Variants in INA observed in about 807,000 individuals in gnomAD.
INA encodes internexin neuronal intermediate filament protein alpha, also known as alpha-internexin.
INA carries 35 observed loss-of-function variants against 40.1 expected under a neutral mutation model. The ratio of observed to expected loss-of-function variants is 0.87; its 90% CI spans 0.67 to 1.16. INA has a LOEUF of 1.16. Among genes scored for constraint, INA ranks in the 50% most tolerant of loss-of-function variants. INA has a pLI of 0.00. For missense variants in INA, 594 were observed against 686.7 expected (o/e 0.87, Z 1.51); for synonymous variants, 290 against 316.9 (o/e 0.92, Z 0.90).
At chr10:103,287,753 G>T (rs978827760) in intron 2 of INA, among the ~76,000 whole-genome samples, 9 of 147,638 alleles carry the variant, frequency 6.1e-5, no homozygotes, top group Non-Finnish European at 9.0e-5. Flanking sequence ...AAAAAAAAAA[G>T]GATAATTAAA....
In INA at chr10:103,278,352, G is replaced by A. The variant is rs1222266423; in HGVS notation, c.1065+76G>A. 1 of 1,255,444 alleles carries A rather than the reference G, an allele frequency of 8.0e-7. No homozygotes were observed. The highest frequency in any genetic ancestry group is 1.5e-5 in the African/African-American group (1 of 66,114). The allele number at this position is 1,255,444 out of a possible 1,614,324, so 77.8% of individuals were successfully genotyped here. ...GTACCCTCTTCCTCTGGTAAAACTG[G>A]GCCCCAGGACTTAAGGGGAGGGCAA... On this transcript the variant is annotated intron_variant, in intron 1 of 2. Transcript: ENST00000369849. The surrounding 1 kb of genome is among the most constrained non-coding windows in gnomAD (Gnocchi z 4.9).
chr10:103,282,247 T>C (rs972796988), intron 1 of INA, among the ~76,000 whole-genome samples: 2 of 152,152 alleles, frequency 1.3e-5, no homozygotes, highest in African/African-American at 4.8e-5. Context: ...CCCAACCACC[T>C]CTTATTCAGA....
chr10:103,280,429 AG>A, intron 1 of INA: 1 of 985,380 alleles, frequency 1.0e-6, no homozygotes, highest in Non-Finnish European at 1.2e-6. Context: ...CAAGGTGAAA[AG>A]CCTCCCTTTC....
At chr10:103,280,704 A>T (rs535143220) in intron 1 of INA, 9 of 985,448 alleles carry the variant, frequency 9.1e-6, no homozygotes, top group Admixed American at 1.2e-4. Context: ...GTGACACAGT[A>T]AGTACACAAT....
chr10:103,278,542 C>T lies in INA; in HGVS notation c.1065+266C>T, dbSNP rs2093066141. On this transcript the variant is annotated intron_variant, in intron 1 of 2. Coordinates refer to ENST00000369849, the MANE Select transcript of INA (RefSeq NM_032727.4). This position sits in a 1 kb window ranked among gnomAD's most constrained non-coding sequence, Gnocchi z 4.9. ...GGTTCGAAAACCCAACTCTGCCTGT[C>T]TGTCAGCAAGCGGGCCTACACACAC... is the stretch of plus-strand genomic sequence containing the variant. 6.6e-6 allele frequency among the ~76,000 whole-genome samples: 1 copy of T among 152,242 alleles called. No individual in the cohort carries two copies. Among genetic ancestry groups the T allele is most frequent in the African/African-American group, 2.4e-5 (1 of 41,466 alleles).
Position 103,288,581 on chromosome 10 carries a change from A to T in INA, c.1412A>T (p.Glu471Val). The T allele has an allele frequency of 6.2e-7, 1 of 1,613,526 alleles. No individual in the cohort carries two copies. Among genetic ancestry groups the T allele is most frequent in the South Asian group, 1.1e-5 (1 of 91,054 alleles). Reference protein sequence around the residue: ...KKTSQIGESFEEILEETVIST... With the variant: ...KKTSQIGESFVEILEETVIST... ...ACCTCCCAGATAGGGGAAAGTTTTG[A>T]AGAAATATTAGAGGAGACAGTAATA... is the stretch of plus-strand genomic sequence containing the variant. The change falls in exon 3 of 3, where the codon GAA (glutamate) becomes GTA (valine). Residue 471 changes from glutamate (E) to valine (V), a missense_variant. Around this residue, in one of 2 missense-constraint regions of INA, gnomAD observed 379 missense variants for 496.1 expected, o/e 0.76. Transcript: ENST00000369849.
At chr10:103,284,990 T>C (rs2093082075) in intron 1 of INA, among the ~76,000 whole-genome samples, 2 of 151,994 alleles carry the variant, frequency 1.3e-5, no homozygotes. Flanking sequence ...TTTTATTTTA[T>C]TTTATTTTTT....
At chr10:103,284,254 C>T (rs1303867003) in intron 1 of INA, among the ~76,000 whole-genome samples, 1 of 152,140 alleles carries the variant, frequency 6.6e-6, no homozygotes, top group Non-Finnish European at 1.5e-5. Flanking sequence ...GCCTCAGCTA[C>T]CCAAAGTGCT....
intron 2 of INA, 105 bp from the exon 3 acceptor site, chr10:103,288,255 C>A: frequency 9.3e-7 from 1 of 1,077,158 alleles, no homozygotes; most frequent in Non-Finnish European, 1.3e-6. Flanking sequence ...GAAGAAACTC[C>A]AAAGTCCTTT....
intron 1 of INA, 27 bp from the exon 2 acceptor site, chr10:103,287,008 A>C (rs772661495): frequency 6.2e-7 from 1 of 1,609,714 alleles, no homozygotes; most frequent in Non-Finnish European, 8.5e-7. Context: ...GGTTTGGCCT[A>C]ACTATTTTGG....
rs2093065349 is a variant in INA, at chr10:103,278,348, A to G, written c.1065+72A>G. On this transcript the variant is annotated intron_variant, in intron 1 of 2. Coordinates refer to ENST00000369849, the MANE Select transcript of INA (RefSeq NM_032727.4). The surrounding 1 kb of genome is among the most constrained non-coding windows in gnomAD (Gnocchi z 4.9). ...GCGCGTACCCTCTTCCTCTGGTAAA[A>G]CTGGGCCCCAGGACTTAAGGGGAGG... The G allele has an allele frequency of 7.9e-7, 1 of 1,273,064 alleles. No individual in the cohort carries two copies. The highest frequency in any genetic ancestry group is 2.5e-5 in the East Asian group (1 of 39,220). 78.9% of individuals were successfully genotyped at this position (1,273,064 alleles called of 1,614,324 possible).
chr10:103,285,168 G>A (rs2093082662), intron 1 of INA, among the ~76,000 whole-genome samples: 1 of 152,054 alleles, frequency 6.6e-6, no homozygotes, highest in African/African-American at 2.4e-5. Context: ...ATTTTTAGTA[G>A]AGACAGAGTT....
In INA at chr10:103,278,398, C is replaced by T; in HGVS notation, c.1065+122C>T. The stretch of plus-strand genomic sequence containing the variant: ...GGCAAAAGAGAGGAGAGAAGAGCCG[C>T]GGCTGGAGGCGCTGGTTAACAAAAA... On this transcript the variant is annotated intron_variant, in intron 1 of 2. Coordinates refer to ENST00000369849, the MANE Select transcript of INA (RefSeq NM_032727.4). This position sits in a 1 kb window ranked among gnomAD's most constrained non-coding sequence, Gnocchi z 4.9. 2.6e-6 allele frequency: 2 copies of T among 771,678 alleles called. No individual in the cohort carries two copies. Among genetic ancestry groups the T allele is most frequent in the Middle Eastern group, 3.9e-4 (1 of 2,582 alleles). The allele number at this position is 771,678 out of a possible 1,614,324, so 47.8% of individuals were successfully genotyped here. A position where few individuals can be genotyped will look rare whatever the true frequency, so the allele number is the denominator to read the frequency against.
intron 1 of INA, chr10:103,280,722 G>A (rs1379211409): frequency 3.0e-6 from 3 of 985,304 alleles, no homozygotes; most frequent in Non-Finnish European, 3.6e-6. Context: ...AATAGTGGAT[G>A]AGAGAGTCTG....
intron 1 of INA, among the ~76,000 whole-genome samples, chr10:103,282,708 C>T (rs1453066398): frequency 6.6e-6 from 1 of 151,686 alleles, no homozygotes; most frequent in East Asian, 1.9e-4. Flanking sequence ...TGGTATAAGC[C>T]ACTTTAGAAA....
At chr10:103,283,632 A>G (rs2093077479) in intron 1 of INA, among the ~76,000 whole-genome samples, 1 of 151,860 alleles carries the variant, frequency 6.6e-6, no homozygotes, top group Admixed American at 6.6e-5. Context: ...GTACCCCCTG[A>G]TGTCTCAGCC....
intron 1 of INA, among the ~76,000 whole-genome samples, chr10:103,285,511 G>A (rs927961685): frequency 6.9e-6 from 1 of 145,078 alleles, no homozygotes; most frequent in Non-Finnish European, 1.5e-5. Context: ...GGTCTGGCTG[G>A]TCTCGAACTC....
intron 1 of INA, chr10:103,280,439 T>G (rs986407713): frequency 5.1e-6 from 5 of 985,440 alleles, no homozygotes; most frequent in Non-Finnish European, 6.0e-6. Context: ...AGCCTCCCTT[T>G]CTACAGTGAG....
rs755214403 is a variant in INA at position 103,277,166 on chromosome 10, C to A, written c.-46C>A. 2 of 1,530,032 alleles carry A rather than the reference C, an allele frequency of 1.3e-6. No homozygotes were observed. Among genetic ancestry groups the A allele is most frequent in the South Asian group, 2.5e-5 (2 of 81,420 alleles). The allele number at this position is 1,530,032 out of a possible 1,614,324, so 94.8% of individuals were successfully genotyped here. Reference sequence around the variant, plus strand: ...CTGCCTGCCGCACCTCTCCTTTCTTCTGTAGCTCGCGTTGAAGCCGCACGT... The same window carrying A: ...CTGCCTGCCGCACCTCTCCTTTCTTATGTAGCTCGCGTTGAAGCCGCACGT... On this transcript the variant is annotated 5_prime_UTR_variant, in exon 1 of 3. In the 5' UTR this introduces an upstream ATG that the reference lacks. Coordinates refer to ENST00000369849, the MANE Select transcript of INA (RefSeq NM_032727.4). This position sits in a 1 kb window ranked among gnomAD's most constrained non-coding sequence, Gnocchi z 5.6.
Sources: gnomAD v4.1 joint callset for allele counts (sites outside exome capture counted in the v4.1 genomes callset) on GRCh38, gnomAD v4.1.1 for gene constraint, gnomAD v4.1.1 regional missense constraint, Gnocchi (gnomAD v3.1) non-coding constraint, MANE v1.5 for transcripts, NCBI Gene and HGNC (gene_info 2026-07-23, HGNC 2026-07-21) for gene names.